Variants in KCNQ1 observed in about 807,000 individuals in gnomAD.
The protein encoded by KCNQ1 is potassium voltage-gated channel subfamily KQT member 1.
In KCNQ1, 49 loss-of-function variants were observed where a neutral mutation model predicts 72.4. That is an observed-to-expected ratio of 0.68 (90% CI 0.54 to 0.86). The LOEUF is 0.86. Ranked by LOEUF, KCNQ1 falls within the 40% of genes least tolerant of loss-of-function variation. The pLI is 0.00. For synonymous variants in KCNQ1, 450 were observed against 412.6 expected (o/e 1.09, Z -1.10); for missense variants, 790 against 945.1 (o/e 0.84, Z 2.15).
Position 2,736,454 on chromosome 11 carries a change from G to T in KCNQ1, c.1515-32390G>T, listed in dbSNP as rs2283223. The stretch of plus-strand genomic sequence containing the variant: ...CCAGTGGGCTTGGGAGAGCCTGAGG[G>T]GCCTCTGGGGTTAGACGGTGGCCCC... On this transcript the variant is annotated intron_variant, in intron 11 of 15. Coordinates refer to ENST00000155840, the MANE Select transcript of KCNQ1 (RefSeq NM_000218.3). Among the ~76,000 whole-genome samples, 2,017 of 152,250 alleles carry T rather than the reference G, an allele frequency of 0.013. 89 individuals carry two copies. The East Asian group carries it at 0.14, about 11-fold the overall frequency.
rs1846957386 is a variant in KCNQ1, at chr11:2,498,499, C to G, written c.387-29429C>G. Among the ~76,000 whole-genome samples, 1 of 152,198 alleles carries G rather than the reference C, an allele frequency of 6.6e-6. No individual in the cohort carries two copies. Among genetic ancestry groups the G allele is most frequent in the Non-Finnish European group, 1.5e-5 (1 of 68,030 alleles). ...CTTAGCACTATCAGGGGAAAACCGC[C>G]TACTAAAGCCTCAGTAATACCAAAT... On this transcript the variant is annotated intron_variant, in intron 1 of 15. Transcript: ENST00000155840. The surrounding 1 kb of genome is among the most constrained non-coding windows in gnomAD (Gnocchi z 4.8).
At chr11:2,591,263 T>C (rs1012980985) in intron 10 of KCNQ1, among the ~76,000 whole-genome samples, 12 of 152,184 alleles carry the variant, frequency 7.9e-5, no homozygotes, top group Non-Finnish European at 1.8e-4. Flanking sequence ...CTGGGTGGTG[T>C]TCCCTGCCCC....
rs1379393032 is a variant in KCNQ1 at position 2,624,139 on chromosome 11, T to A, written c.1393+35285T>A. 7.5e-6 allele frequency: 3 copies of A among 398,442 alleles called. No individual in the cohort carries two copies. 24.7% of individuals were successfully genotyped at this position (398,442 alleles called of 1,614,324 possible). ...TAAGCGTGTAGATATATCACATTTCTTGTTTTAATTTCCATTTCCCTAATG... is the reference window on the plus strand; with the variant it reads ...TAAGCGTGTAGATATATCACATTTCATGTTTTAATTTCCATTTCCCTAATG... On this transcript the variant is annotated intron_variant, in intron 10 of 15. Transcript: ENST00000155840. This position sits in a 1 kb window ranked among gnomAD's most constrained non-coding sequence, Gnocchi z 4.9.
At chr11:2,701,240 A>C (rs1451886024) in intron 11 of KCNQ1, among the ~76,000 whole-genome samples, 1 of 152,196 alleles carries the variant, frequency 6.6e-6, no homozygotes, top group Non-Finnish European at 1.5e-5. Context: ...TCTTCAGCCC[A>C]GAAGAGAAAG....
chr11:2,520,394 G>A (rs1359355139), intron 1 of KCNQ1, among the ~76,000 whole-genome samples: 1 of 152,224 alleles, frequency 6.6e-6, no homozygotes, highest in Non-Finnish European at 1.5e-5. Flanking sequence ...GGGAGGGGTC[G>A]GGAGATGCCT....
chr11:2,739,452 C>T (rs1216119886), intron 11 of KCNQ1, among the ~76,000 whole-genome samples: 1 of 152,222 alleles, frequency 6.6e-6, no homozygotes, highest in Non-Finnish European at 1.5e-5. Context: ...ATTCCCCCAC[C>T]CCCAAAGGTG....
intron 8 of KCNQ1, 88 bp from the exon 9 acceptor site, chr11:2,587,482 G>A (rs1320687146): frequency 1.9e-6 from 3 of 1,588,510 alleles, no homozygotes; most frequent in Non-Finnish European, 2.6e-6. Flanking sequence ...GCCAGGCCTG[G>A]GGAACAGGGA....
Position 2,595,516 on chromosome 11 carries a change from TC to T in KCNQ1, c.1393+6663del, listed in dbSNP as rs1848721577. ...CCCTTAAGAATTATGCTAAATCTAC[TC>T]TGCTTATGCTCTATAATGAAGCAAC... is the stretch of plus-strand genomic sequence containing the variant. On this transcript the variant is annotated intron_variant, in intron 10 of 15. Coordinates refer to ENST00000155840, the MANE Select transcript of KCNQ1 (RefSeq NM_000218.3). The surrounding 1 kb of genome is among the most constrained non-coding windows in gnomAD (Gnocchi z 5.0). Among the ~76,000 whole-genome samples, 1 of 152,206 alleles carries T rather than the reference TC, an allele frequency of 6.6e-6. No homozygotes were observed. The highest frequency in any genetic ancestry group is 1.9e-4 in the East Asian group (1 of 5,194).
intron 15 of KCNQ1, chr11:2,840,404 T>G (rs897528867): frequency 6.6e-6 from 1 of 152,132 alleles, no homozygotes; most frequent in Non-Finnish European, 1.5e-5. Context: ...GGGGAAAAGG[T>G]CCATCATTCC....
chr11:2,462,711 C>A lies in KCNQ1; in HGVS notation c.386+17227C>A, dbSNP rs371768903. On this transcript the variant is annotated intron_variant, in intron 1 of 15. Transcript: ENST00000155840. The surrounding 1 kb of genome is among the most constrained non-coding windows in gnomAD (Gnocchi z 8.2). The stretch of plus-strand genomic sequence containing the variant: ...GAGGGCCAGGACTGAGGGGAGGGGG[C>A]GGTGGAGTGAAGGGGAGGGTGGGCG... Among the ~76,000 whole-genome samples, 10 of 136,620 alleles carry A rather than the reference C, an allele frequency of 7.3e-5. No homozygotes were observed. The highest frequency in any genetic ancestry group is 2.4e-4 in the African/African-American group (9 of 36,914). The allele number at this position is 136,620 out of a possible 152,430, so 89.6% of individuals were successfully genotyped here.
Position 2,752,838 on chromosome 11 carries a change from G to A in KCNQ1, c.1515-16006G>A, listed in dbSNP as rs1254757956. Among the ~76,000 whole-genome samples the A allele has an allele frequency of 3.3e-5, 5 of 152,044 alleles. No individual in the cohort carries two copies. Among genetic ancestry groups the A allele is most frequent in the South Asian group, 2.1e-4 (1 of 4,822 alleles). On this transcript the variant is annotated intron_variant, in intron 11 of 15. Coordinates refer to ENST00000155840, the MANE Select transcript of KCNQ1 (RefSeq NM_000218.3). This position sits in a 1 kb window ranked among gnomAD's most constrained non-coding sequence, Gnocchi z 5.2. ...CAGAGGAAACTGGTTCCTTTCTTTC[G>A]GTTCTGGGTTATGTCAAAATGAGTT...
intron 10 of KCNQ1, among the ~76,000 whole-genome samples, chr11:2,591,677 T>C (rs1848672536): frequency 6.6e-6 from 1 of 152,276 alleles, no homozygotes; most frequent in African/African-American, 2.4e-5. Context: ...GTTAGTGTTA[T>C]GAAGTCATTA....
At chr11:2,699,174 A>G (rs1351488546) in intron 11 of KCNQ1, 1 of 398,598 alleles carries the variant, frequency 2.5e-6, no homozygotes, top group African/African-American at 2.1e-5. Flanking sequence ...CATGAGAACT[A>G]TAGACCCGGA....
chr11:2,771,765 C>T (rs1846603616), intron 12 of KCNQ1, among the ~76,000 whole-genome samples: 1 of 152,098 alleles, frequency 6.6e-6, no homozygotes, highest in Non-Finnish European at 1.5e-5. Flanking sequence ...TCATCTGCGC[C>T]AGCCCCAGCA....
At position 2,620,211 on chromosome 11, in the gene KCNQ1, A is replaced by ATATT. The variant is rs1383035176; in HGVS notation, c.1393+31358_1393+31359insATTT. 1.1e-3 allele frequency: 299 copies of ATATT among 261,976 alleles called. 3 individuals are homozygous for ATATT. The highest frequency in any genetic ancestry group is 7.4e-3 in the African/African-American group (283 of 38,102). 16.2% of individuals were successfully genotyped at this position (261,976 alleles called of 1,614,324 possible). The stretch of plus-strand genomic sequence containing the variant: ...TAAGTTCATTCATGTATATATATAT[A>ATATT]TTTTTTTTTTTTATTTTTTTTTTAG... On this transcript the variant is annotated intron_variant, in intron 10 of 15. Transcript: ENST00000155840. This position sits in a 1 kb window ranked among gnomAD's most constrained non-coding sequence, Gnocchi z 4.5.
In KCNQ1 at chr11:2,559,645, C is replaced by A. The variant is rs1254901195; in HGVS notation, c.478-10983C>A. On this transcript the variant is annotated intron_variant, in intron 2 of 15. Transcript: ENST00000155840. The surrounding 1 kb of genome is among the most constrained non-coding windows in gnomAD (Gnocchi z 4.9). ...TCTCTCGCTCACCAGGAAGAAGACA[C>A]GTCCGGGCAGCTGGCAGGTGGGGCT... Among the ~76,000 whole-genome samples the A allele has an allele frequency of 6.6e-6, 1 of 152,198 alleles. No individual in the cohort carries two copies. The highest frequency in any genetic ancestry group is 1.5e-5 in the Non-Finnish European group (1 of 68,034).
rs115732731 is a variant in KCNQ1 at position 2,664,764 on chromosome 11, G to C, written c.1514+2683G>C. 54 of 398,752 alleles carry C rather than the reference G, an allele frequency of 1.4e-4. No individual in the cohort carries two copies. The highest frequency in any genetic ancestry group is 1.0e-3 in the African/African-American group (51 of 48,732). The allele number at this position is 398,752 out of a possible 1,614,324, so 24.7% of individuals were successfully genotyped here. ...AGGGATGTGTGCTGGGGTCTCACAG[G>C]GGGCAGAGTGGGTGGGAGGCAGTTA... On this transcript the variant is annotated intron_variant, in intron 11 of 15. Transcript: ENST00000155840. This position sits in a 1 kb window ranked among gnomAD's most constrained non-coding sequence, Gnocchi z 5.1.
chr11:2,706,028 G>A (rs1410092876), intron 11 of KCNQ1, among the ~76,000 whole-genome samples: 4 of 152,210 alleles, frequency 2.6e-5, no homozygotes, highest in African/African-American at 9.7e-5. Context: ...GAAGATGGAT[G>A]TAATTTGGAG....
rs530779759 is a variant in KCNQ1, at chr11:2,676,561, T to A, written c.1514+14480T>A. The A allele has an allele frequency of 7.5e-6, 3 of 398,648 alleles. No individual in the cohort carries two copies. Among genetic ancestry groups the A allele is most frequent in the Non-Finnish European group, 1.3e-5 (3 of 226,062 alleles). The allele number at this position is 398,648 out of a possible 1,614,324, so 24.7% of individuals were successfully genotyped here. ...TGGTACAGGAAAGGTCTAAGAAGGC[T>A]AAGGACCATCATACTGGGTATTCAA... On this transcript the variant is annotated intron_variant, in intron 11 of 15. Transcript: ENST00000155840. This position sits in a 1 kb window ranked among gnomAD's most constrained non-coding sequence, Gnocchi z 4.2.
Sources: allele counts gnomAD v4.1 joint callset (sites outside exome capture counted in the v4.1 genomes callset), GRCh38; gene constraint gnomAD v4.1.1; non-coding constraint Gnocchi (gnomAD v3.1); transcripts MANE v1.5; gene names NCBI Gene and HGNC (gene_info 2026-07-23, HGNC 2026-07-21).